The following LINGO1 variants were observed in gnomAD, a reference collection of about 807,000 sequenced individuals.
LINGO1 encodes leucine rich repeat and Ig domain containing 1.
In LINGO1, 11 loss-of-function variants were observed where a neutral mutation model predicts 37.3. The observed-to-expected ratio is 0.29, with a 90% CI of 0.19 to 0.49. LINGO1 has a LOEUF of 0.49. Ranked by LOEUF, LINGO1 falls within the 20% of genes least tolerant of loss-of-function variation. LINGO1 has a pLI of 0.99. For synonymous variants in LINGO1, 387 were observed against 403.0 expected (o/e 0.96, Z 0.48); for missense variants, 585 against 878.2 (o/e 0.67, Z 4.22).
At chr15:77,789,756 C>T (rs770707884), upstream of LINGO1, among the ~76,000 whole-genome samples, 1 of 152,116 alleles carries the variant, frequency 6.6e-6, no homozygotes, top group Non-Finnish European at 1.5e-5. Flanking sequence ...AGGCAACCAG[C>T]CCTGCTGACA....
At chr15:77,629,188 A>C (rs989483276) in intron 1 of LINGO1, among the ~76,000 whole-genome samples, 15 of 152,294 alleles carry the variant, frequency 9.8e-5, no homozygotes, top group African/African-American at 3.4e-4. Context: ...ATTCTTAACA[A>C]CTTCACTATG....
chr15:77,653,642 C>T (rs1686101995), intron 3 of LINGO1, among the ~76,000 whole-genome samples: 1 of 152,166 alleles, frequency 6.6e-6, no homozygotes, highest in South Asian at 2.1e-4. Context: ...GGTGTCCGTC[C>T]GCTCTTCCTG....
intron 1 of LINGO1, among the ~76,000 whole-genome samples, chr15:77,814,450 T>C (rs2077032435): frequency 6.6e-6 from 1 of 152,184 alleles, no homozygotes; most frequent in Admixed American, 6.5e-5. Flanking sequence ...GATTTTGCCT[T>C]GGAAAATAAT....
intron 3 of LINGO1, among the ~76,000 whole-genome samples, chr15:77,664,177 G>GCGCA (rs2075075534): frequency 6.6e-6 from 1 of 151,712 alleles, no homozygotes; most frequent in Non-Finnish European, 1.5e-5. Flanking sequence ...GTGTGCGCGC[G>GCGCA]CGCATGCGTT....
intron 1 of LINGO1, among the ~76,000 whole-genome samples, chr15:77,739,438 C>T (rs2076238385): frequency 6.6e-6 from 1 of 152,198 alleles, no homozygotes; most frequent in African/African-American, 2.4e-5. Context: ...GGCTGCTTCC[C>T]CTCCCTCAGA....
In LINGO1 at chr15:77,719,739, A is replaced by G. The variant is rs959154611; in HGVS notation, c.-195+15253T>C. Among the ~76,000 whole-genome samples the G allele has an allele frequency of 2.7e-5, 4 of 149,222 alleles. 1 individual carries two copies. The highest frequency in any genetic ancestry group is 2.0e-4 in the Admixed American group (3 of 14,848). On this transcript the variant is annotated intron_variant, in intron 2 of 3. Coordinates refer to the LINGO1 transcript ENST00000561686. ...ACTCACATTCACGCACATATATACA[A>G]TCTCATTCACACACTCACATTCACA...
intron 3 of LINGO1, among the ~76,000 whole-genome samples, chr15:77,669,417 G>A (rs1350266232): frequency 1.3e-5 from 2 of 152,120 alleles, no homozygotes; most frequent in Admixed American, 6.5e-5. Context: ...CCTTCACCTC[G>A]CTAGCCCATC....
At chr15:77,710,679 T>C (rs1272319245) in intron 2 of LINGO1, among the ~76,000 whole-genome samples, 5 of 152,222 alleles carry the variant, frequency 3.3e-5, no homozygotes, top group African/African-American at 1.2e-4. Context: ...TTTGTTTCGC[T>C]GAAGAAGACT....
chr15:77,701,380 T>C (rs1452882402), upstream of LINGO1, among the ~76,000 whole-genome samples: 1 of 152,164 alleles, frequency 6.6e-6, no homozygotes, highest in African/African-American at 2.4e-5. Flanking sequence ...AGGTCTCTTC[T>C]TTGGCTTCCA....
rs115173567 is a variant in LINGO1 at position 77,703,836 on chromosome 15, C to T, written c.-194-12935G>A. Among the ~76,000 whole-genome samples the T allele has an allele frequency of 4.5e-3, 685 of 152,128 alleles. 5 individuals are homozygous for T. The highest frequency in any genetic ancestry group is 0.016 in the African/African-American group (654 of 41,532). On this transcript the variant is annotated intron_variant, in intron 2 of 3. Coordinates refer to the LINGO1 transcript ENST00000561686. Reference sequence around the variant, plus strand: ...CTTGTCCATCCTCAGGCCTAGTTGGCCTTCCTAGGAAGTTTTGGCTTAAGT... The same window carrying T: ...CTTGTCCATCCTCAGGCCTAGTTGGTCTTCCTAGGAAGTTTTGGCTTAAGT...
intron 1 of LINGO1, among the ~76,000 whole-genome samples, chr15:77,737,488 A>G (rs1017430252): frequency 6.6e-6 from 1 of 151,964 alleles, no homozygotes; most frequent in African/African-American, 2.4e-5. Flanking sequence ...AGAGAGAGGG[A>G]AGGAGGGAAA....
chr15:77,790,642 TC>T (rs2076811394), upstream of LINGO1, among the ~76,000 whole-genome samples: 1 of 151,890 alleles, frequency 6.6e-6, no homozygotes. Context: ...GGGAGGCAGG[TC>T]CTCCACCAAG....
At chr15:77,744,726 A>G (rs1302790486) in intron 1 of LINGO1, among the ~76,000 whole-genome samples, 1 of 152,198 alleles carries the variant, frequency 6.6e-6, no homozygotes, top group Non-Finnish European at 1.5e-5. Flanking sequence ...TGCTTTGCCC[A>G]AGGTCATGCA....
intron 1 of LINGO1, among the ~76,000 whole-genome samples, chr15:77,756,757 C>T (rs1325625782): frequency 6.6e-6 from 1 of 152,340 alleles, no homozygotes; most frequent in Admixed American, 6.5e-5. Context: ...TTTAGGAGAA[C>T]GTGCTCAGGG....
chr15:77,654,994 A>G (rs1318409165), intron 3 of LINGO1, among the ~76,000 whole-genome samples: 1 of 151,760 alleles, frequency 6.6e-6, no homozygotes, highest in Non-Finnish European at 1.5e-5. Flanking sequence ...CCCTAGACAC[A>G]CCCTAAAGGA....
intron 3 of LINGO1, among the ~76,000 whole-genome samples, chr15:77,664,180 CAT>C (rs1555527637): frequency 8.1e-5 from 11 of 135,866 alleles, no homozygotes; most frequent in African/African-American, 2.6e-4. Context: ...TGCGCGCGCG[CAT>C]GCGTTTGCAT....
rs190092023 is a variant in LINGO1, at chr15:77,752,400, C to A, written c.-256-17347G>T. ...TTTCATCATCCAAAGCCAAACACAG[C>A]CCCATGGTGTCCGGCAAACCCACTC... On this transcript the variant is annotated intron_variant, in intron 1 of 3. Transcript: ENST00000561686. Among the ~76,000 whole-genome samples, 139 of 152,334 alleles carry A rather than the reference C, an allele frequency of 9.1e-4. No homozygotes were observed. The South Asian group carries it at 0.011, about 12-fold the overall frequency.
intron 1 of LINGO1, among the ~76,000 whole-genome samples, chr15:77,808,979 C>G (rs1390367511): frequency 6.6e-6 from 1 of 152,182 alleles, no homozygotes; most frequent in African/African-American, 2.4e-5. Context: ...TTGGAAGGCA[C>G]GTGCCGGCTA....
At chr15:77,813,869 G>A (rs2077027182) in intron 1 of LINGO1, among the ~76,000 whole-genome samples, 1 of 152,150 alleles carries the variant, frequency 6.6e-6, no homozygotes, top group Admixed American at 6.5e-5. Flanking sequence ...ACAAAGAAAG[G>A]GCCAGGGCCC....
Sources: gnomAD v4.1 joint callset for allele counts (sites outside exome capture counted in the v4.1 genomes callset) on GRCh38, gnomAD v4.1.1 for gene constraint, MANE v1.5 for transcripts, NCBI Gene and HGNC (gene_info 2026-07-23, HGNC 2026-07-21) for gene names.